The following ARFGEF2 variants were observed in gnomAD, a reference collection of about 807,000 sequenced individuals.
The protein encoded by ARFGEF2 is brefeldin A-inhibited guanine nucleotide-exchange protein 2.
In ARFGEF2, 74 loss-of-function variants were observed where a neutral mutation model predicts 219.9. The observed-to-expected ratio is 0.34, with a 90% confidence interval of 0.28 to 0.41. The LOEUF (loss-of-function observed/expected upper bound fraction) is 0.41, where lower values mean the gene tolerates loss of function less well. Ranked by LOEUF, ARFGEF2 falls within the 10% of genes least tolerant of loss-of-function variation. ARFGEF2 has a pLI of 1.00. For missense variants in ARFGEF2, 1,743 were observed against 2,218.3 expected (o/e 0.79, Z 4.30); for synonymous variants, 733 against 799.2 (o/e 0.92, Z 1.40).
intron 27 of ARFGEF2, 87 bp downstream of exon 27, chr20:49,010,491 G>C: frequency 6.6e-7 from 1 of 1,504,696 alleles, no homozygotes; most frequent in Non-Finnish European, 9.1e-7. Context: ...ACCTACAGGG[G>C]CTTCCCTACC....
chr20:48,934,253 C>A (rs1257668012), intron 1 of ARFGEF2, among the ~76,000 whole-genome samples: 1 of 151,366 alleles, frequency 6.6e-6, no homozygotes, highest in Admixed American at 6.6e-5. Flanking sequence ...TCTTTTCTTT[C>A]TGCCATATCA....
At chr20:48,990,493 A>G (rs1205204083) in intron 20 of ARFGEF2, among the ~76,000 whole-genome samples, 2 of 152,188 alleles carry the variant, frequency 1.3e-5, no homozygotes, top group Non-Finnish European at 2.9e-5. Context: ...GTAAGTCAGA[A>G]GTTGCACCCC....
At chr20:48,923,603 G>A (rs2090857432) in intron 1 of ARFGEF2, among the ~76,000 whole-genome samples, 1 of 152,242 alleles carries the variant, frequency 6.6e-6, no homozygotes, top group African/African-American at 2.4e-5. Context: ...TATCAGCAAT[G>A]TGGGATAAGC....
At chr20:48,947,026 C>G (rs980051583) in intron 3 of ARFGEF2, among the ~76,000 whole-genome samples, 2 of 152,022 alleles carry the variant, frequency 1.3e-5, no homozygotes, top group Non-Finnish European at 2.9e-5. Flanking sequence ...AGGCTGGTCT[C>G]GAACTCCTGG....
At position 48,952,897 on chromosome 20, in the gene ARFGEF2, A is replaced by G; in HGVS notation, c.603+13A>G. The G allele has an allele frequency of 6.2e-7, 1 of 1,614,054 alleles. No homozygotes were observed. Among genetic ancestry groups the G allele is most frequent in the Non-Finnish European group, 8.5e-7 (1 of 1,179,856 alleles). On this transcript the variant is annotated intron_variant, in intron 5 of 38. Coordinates refer to ENST00000371917, the MANE Select transcript of ARFGEF2 (RefSeq NM_006420.3). ...GGAAAACCAAGTGGTGAGTGACAGC[A>G]CTTACGTGCTAGGGGCAAGACATCA...
intron 30 of ARFGEF2, among the ~76,000 whole-genome samples, chr20:49,014,254 GT>G (rs2091517666): frequency 6.6e-6 from 1 of 151,884 alleles, no homozygotes; most frequent in South Asian, 2.1e-4. Flanking sequence ...CGTTGTAGTT[GT>G]TTTGTTCATA....
At chr20:48,988,434 G>A in intron 17 of ARFGEF2, 46 bp downstream of exon 17, 1 of 1,610,542 alleles carries the variant, frequency 6.2e-7, no homozygotes. Flanking sequence ...TAAATAAGTG[G>A]CTTTACTTGG....
At chr20:48,956,309 C>G (rs77920338) in intron 6 of ARFGEF2, among the ~76,000 whole-genome samples, 2,108 of 152,310 alleles carry the variant, frequency 0.014, 45 homozygotes, top group African/African-American at 0.048. Context: ...GAATCCCCCC[C>G]ACAGCCTTCC....
At position 48,944,715 on chromosome 20, in the gene ARFGEF2, C is replaced by G. The variant is rs572288740; in HGVS notation, c.276+2728C>G. Among the ~76,000 whole-genome samples the G allele has an allele frequency of 2.0e-5, 3 of 152,276 alleles. No individual in the cohort carries two copies. In the East Asian group the frequency reaches 5.8e-4, roughly 29 times the overall value. ...TCCTAAGCTCAAGTGATCCTCCCGC[C>G]TAGGCCTCCCAAAGTTTGGGGATTA... On this transcript the variant is annotated intron_variant, in intron 3 of 38. Coordinates refer to ENST00000371917, the MANE Select transcript of ARFGEF2 (RefSeq NM_006420.3).
intron 25 of ARFGEF2, chr20:48,999,377 T>C: frequency 3.5e-6 from 1 of 287,206 alleles, no homozygotes; most frequent in South Asian, 2.8e-5. Context: ...CATACAGACA[T>C]ATGCACACAT....
At chr20:49,014,749 GACCATATCTCTTAAATAAATAAATAA>G (rs1471413138) in intron 30 of ARFGEF2, among the ~76,000 whole-genome samples, 2 of 152,184 alleles carry the variant, frequency 1.3e-5, no homozygotes, top group Non-Finnish European at 2.9e-5. Flanking sequence ...AACATAGTGA[GACCATATCTCTTAAATAAATAAATAA>G]ATATGGTTGA....
At position 48,969,181 on chromosome 20, in the gene ARFGEF2, G is replaced by C; in HGVS notation, c.1094G>C (p.Arg365Thr). ...SDAQGHQVAA[R>T]FSHVLQKDAF... Reference sequence around the variant, plus strand: ...GCACAAGGACATCAAGTGGCTGCCAGGTTCTCCCACGTTCTGCAGAAGGAT... The same window carrying C: ...GCACAAGGACATCAAGTGGCTGCCACGTTCTCCCACGTTCTGCAGAAGGAT... Residue 365 changes from arginine to threonine, a missense_variant, in exon 9 of 39, where the codon AGG (arginine) becomes ACG (threonine). Arg to Thr is a moderately conservative substitution (Grantham distance 71, BLOSUM62 -1). Coordinates refer to ENST00000371917, the MANE Select transcript of ARFGEF2 (RefSeq NM_006420.3). The C allele has an allele frequency of 1.2e-6, 2 of 1,614,160 alleles. No homozygotes were observed. The highest frequency in any genetic ancestry group is 8.5e-7 in the Non-Finnish European group (1 of 1,180,014).
chr20:49,025,451 T>C lies in ARFGEF2; in HGVS notation c.4894T>C (p.Tyr1632His). The change falls in exon 36 of 39, where the codon TAC becomes CAC. Residue 1632 changes from tyrosine to histidine, a missense_variant. Coordinates refer to ENST00000371917, the MANE Select transcript of ARFGEF2 (RefSeq NM_006420.3). ...HSFSKAFNSN[Y>H]EQRTVLWRAG... Reference sequence around the variant, plus strand: ...ATTCTCAAAGGCCTTCAACTCCAATTACGAGCAGCGGACTGTCCTGTGGCG... The same window carrying C: ...ATTCTCAAAGGCCTTCAACTCCAATCACGAGCAGCGGACTGTCCTGTGGCG... 6.2e-7 allele frequency: 1 copy of C among 1,614,028 alleles called. No individual in the cohort carries two copies. Among genetic ancestry groups the C allele is most frequent in the South Asian group, 1.1e-5 (1 of 91,076 alleles).
At chr20:48,953,459 A>T in intron 5 of ARFGEF2, 97 bp from the exon 6 acceptor site, 1 of 1,151,508 alleles carries the variant, frequency 8.7e-7, no homozygotes, top group Non-Finnish European at 1.3e-6. Flanking sequence ...TATAGGCGTT[A>T]ACCACCGCGC....
intron 3 of ARFGEF2, among the ~76,000 whole-genome samples, chr20:48,942,297 T>A (rs561038907): frequency 6.6e-6 from 1 of 151,462 alleles, no homozygotes; most frequent in South Asian, 2.1e-4. Context: ...CATAAGGCAT[T>A]TTTATACAGC....
intron 1 of ARFGEF2, among the ~76,000 whole-genome samples, chr20:48,930,829 G>C (rs1016084422): frequency 1.3e-5 from 2 of 152,172 alleles, no homozygotes; most frequent in Admixed American, 6.5e-5. Context: ...CAGAGGGAGA[G>C]GCAGGAGGCC....
At chr20:48,994,630 C>G in intron 22 of ARFGEF2, 32 bp downstream of exon 22, 1 of 1,611,768 alleles carries the variant, frequency 6.2e-7, no homozygotes, top group Non-Finnish European at 8.5e-7. Context: ...CTAACAGTCA[C>G]GGATTTGCAA....
rs2091225299 is a variant in ARFGEF2, at chr20:48,971,196, A to G, written c.1267A>G (p.Arg423Gly). Residue 423 changes from arginine (R) to glycine (G), a missense_variant, in exon 10 of 39, where the codon AGG becomes GGG. By Grantham distance (125) the Arg-to-Gly change is moderately radical. Transcript: ENST00000371917. ...GTTGCAAAATGCTGGCCCCGTATTC[A>G]GGACTCACGAGATGTTCATCAATGC... The part of the protein sequence containing the change: ...SVLQNAGPVF[R>G]THEMFINAIK... The G allele has an allele frequency of 5.0e-6, 8 of 1,614,008 alleles. No individual in the cohort carries two copies. Among genetic ancestry groups the G allele is most frequent in the African/African-American group, 4.0e-5 (3 of 74,896 alleles).
intron 1 of ARFGEF2, among the ~76,000 whole-genome samples, chr20:48,939,704 C>G (rs2090981922): frequency 1.3e-5 from 2 of 152,200 alleles, no homozygotes; most frequent in African/African-American, 2.4e-5. Context: ...TTGGGCATTT[C>G]TCTTCTGTTT....
Sources: allele counts gnomAD v4.1 joint callset (sites outside exome capture counted in the v4.1 genomes callset), GRCh38; gene constraint gnomAD v4.1.1; transcripts MANE v1.5; gene names NCBI Gene and HGNC (gene_info 2026-07-23, HGNC 2026-07-21).